Variants in KCNIP4 observed in about 807,000 individuals in gnomAD.
KCNIP4 encodes potassium voltage-gated channel interacting protein 4.
KCNIP4 carries 12 observed loss-of-function variants against 34.0 expected under a neutral mutation model. The ratio of observed to expected loss-of-function variants is 0.35; its 90% CI spans 0.23 to 0.57. KCNIP4 has a LOEUF of 0.57. KCNIP4 is among the 20% of genes least tolerant of loss of function. The pLI is 0.83. For synonymous variants in KCNIP4, 124 were observed against 102.2 expected (o/e 1.21, Z -1.29); for missense variants, 238 against 311.7 (o/e 0.76, Z 1.78).
chr4:21,149,572 A>C (rs937832772), intron 1 of KCNIP4, among the ~76,000 whole-genome samples: 6 of 152,190 alleles, frequency 3.9e-5, no homozygotes, highest in African/African-American at 9.7e-5. Context: ...TAAGTTTTGA[A>C]AAAGGACATG....
chr4:20,927,825 A>ATT (rs1435985614), intron 1 of KCNIP4, among the ~76,000 whole-genome samples: 1 of 152,132 alleles, frequency 6.6e-6, no homozygotes, highest in Non-Finnish European at 1.5e-5. Flanking sequence ...TAAATGCTAC[A>ATT]TTTATCTAGA....
chr4:21,820,196 A>G (rs1722245352), intron 1 of KCNIP4, among the ~76,000 whole-genome samples: 1 of 150,640 alleles, frequency 6.6e-6, no homozygotes, highest in South Asian at 2.1e-4. Flanking sequence ...TTACATATCT[A>G]TGTAATAAAC....
chr4:21,123,232 G>C (rs1251798252), intron 1 of KCNIP4, among the ~76,000 whole-genome samples: 11 of 151,998 alleles, frequency 7.2e-5, no homozygotes, highest in Non-Finnish European at 2.9e-5. Flanking sequence ...TGTTGACTTT[G>C]ACTTTTGGGT....
intron 3 of KCNIP4, among the ~76,000 whole-genome samples, chr4:20,814,575 T>G (rs1716156361): frequency 6.6e-6 from 1 of 152,208 alleles, no homozygotes; most frequent in Non-Finnish European, 1.5e-5. Flanking sequence ...CTCAACTCTG[T>G]GATTGCACCT....
At chr4:21,808,864 A>G (rs1721457037) in intron 1 of KCNIP4, among the ~76,000 whole-genome samples, 3 of 152,346 alleles carry the variant, frequency 2.0e-5, no homozygotes, top group African/African-American at 2.4e-5. Context: ...CAAAAGCTCT[A>G]CTAGAGCTCT....
At position 21,394,166 on chromosome 4, in the gene KCNIP4, G is replaced by A. The variant is rs114593389; in HGVS notation, c.62-511457C>T. On this transcript the variant is annotated intron_variant, in intron 1 of 8. Transcript: ENST00000382152. ...TAAGAAAAGAGAATAACACTGCATG[G>A]TTCCATAATAACAATTTCAGTACTA... 9.4e-3 allele frequency among the ~76,000 whole-genome samples: 1,434 copies of A among 152,242 alleles called. 26 individuals are homozygous for A. Among genetic ancestry groups the A allele is most frequent in the African/African-American group, 0.033 (1,362 of 41,544 alleles).
chr4:21,462,159 G>T (rs771158213), intron 1 of KCNIP4, among the ~76,000 whole-genome samples: 1 of 151,872 alleles, frequency 6.6e-6, no homozygotes, highest in Non-Finnish European at 1.5e-5. Flanking sequence ...CTAAGTAACC[G>T]TAACTTTCTC....
chr4:21,865,322 A>G (rs944938884), intron 1 of KCNIP4, among the ~76,000 whole-genome samples: 2 of 152,034 alleles, frequency 1.3e-5, no homozygotes, highest in Non-Finnish European at 2.9e-5. Flanking sequence ...ACAAAAAAAA[A>G]AAGAAGAAAT....
At chr4:21,125,607 A>T (rs1750551579) in intron 1 of KCNIP4, among the ~76,000 whole-genome samples, 1 of 152,102 alleles carries the variant, frequency 6.6e-6, no homozygotes, top group Non-Finnish European at 1.5e-5. Context: ...TGCATTTCCA[A>T]CAAGTTCTCA....
At chr4:21,710,285 C>T (rs960497336) in intron 1 of KCNIP4, among the ~76,000 whole-genome samples, 21 of 152,036 alleles carry the variant, frequency 1.4e-4, no homozygotes, top group African/African-American at 4.6e-4. Context: ...AGTCTGAGGA[C>T]GACCACACTC....
chr4:21,455,701 A>G (rs1307552686), intron 1 of KCNIP4, among the ~76,000 whole-genome samples: 8 of 148,778 alleles, frequency 5.4e-5, no homozygotes, highest in Non-Finnish European at 1.2e-4. Context: ...TCTATCTACA[A>G]CACCCTTTTT....
At chr4:21,923,087 C>CTGCCACCCTA (rs1729023715) in intron 1 of KCNIP4, among the ~76,000 whole-genome samples, 1 of 152,160 alleles carries the variant, frequency 6.6e-6, no homozygotes, top group South Asian at 2.1e-4. Context: ...CTTCTCACAG[C>CTGCCACCCTA]TGCCACCCTA....
At chr4:21,028,753 C>G (rs556108792) in intron 1 of KCNIP4, among the ~76,000 whole-genome samples, 1 of 152,256 alleles carries the variant, frequency 6.6e-6, no homozygotes, top group Non-Finnish European at 1.5e-5. Context: ...CCAACCAATG[C>G]AAGACAATGC....
At chr4:20,831,937 G>A (rs1453247246) in intron 3 of KCNIP4, among the ~76,000 whole-genome samples, 2 of 152,166 alleles carry the variant, frequency 1.3e-5, no homozygotes, top group Non-Finnish European at 2.9e-5. Flanking sequence ...TTCAACCACT[G>A]TGGCCAACAT....
intron 1 of KCNIP4, among the ~76,000 whole-genome samples, chr4:21,525,378 G>C (rs961499733): frequency 6.6e-6 from 1 of 152,090 alleles, no homozygotes; most frequent in Non-Finnish European, 1.5e-5. Context: ...TTACTGTTCA[G>C]TACTGAAAAG....
At chr4:21,272,737 AT>A (rs1252165599) in intron 1 of KCNIP4, among the ~76,000 whole-genome samples, 1 of 152,188 alleles carries the variant, frequency 6.6e-6, no homozygotes, top group Non-Finnish European at 1.5e-5. Flanking sequence ...TTTCATTTTA[AT>A]GCTATTATTT....
At chr4:21,244,462 C>G (rs568818875) in intron 1 of KCNIP4, among the ~76,000 whole-genome samples, 33 of 152,286 alleles carry the variant, frequency 2.2e-4, no homozygotes, top group African/African-American at 7.9e-4. Context: ...ATTACAATCA[C>G]AGATATTCTA....
At chr4:21,267,354 A>AT (rs1485222590) in intron 1 of KCNIP4, among the ~76,000 whole-genome samples, 12 of 142,406 alleles carry the variant, frequency 8.4e-5, no homozygotes, top group African/African-American at 3.4e-4. Context: ...ATAAAGGTAG[A>AT]TTAAAAAAAA....
At chr4:21,537,016 CA>C (rs1737233046) in intron 1 of KCNIP4, among the ~76,000 whole-genome samples, 1 of 152,010 alleles carries the variant, frequency 6.6e-6, no homozygotes, top group South Asian at 2.1e-4. Context: ...TGGCAGAAAA[CA>C]ACTATGAAAT....
Sources: allele counts gnomAD v4.1 joint callset (sites outside exome capture counted in the v4.1 genomes callset), GRCh38; gene constraint gnomAD v4.1.1; transcripts MANE v1.5; gene names NCBI Gene and HGNC (gene_info 2026-07-23, HGNC 2026-07-21).